Variants in FARSB observed in about 807,000 individuals in gnomAD.
FARSB encodes the protein phenylalanyl-tRNA synthetase subunit beta.
In FARSB, 40 loss-of-function variants were observed where a neutral mutation model predicts 69.6. The ratio of observed to expected loss-of-function variants is 0.57; its 90% CI spans 0.45 to 0.75. The LOEUF (loss-of-function observed/expected upper bound fraction) is 0.75, where lower values mean the gene tolerates loss of function less well. Ranked by LOEUF, FARSB falls within the 30% of genes least tolerant of loss-of-function variation. The probability of loss-of-function intolerance (pLI) is 0.00; values close to 1 mark genes in which losing one functional copy is unlikely to be tolerated. For synonymous variants in FARSB, 235 were observed against 247.2 expected (o/e 0.95, Z 0.46); for missense variants, 632 against 722.9 (o/e 0.87, Z 1.44).
chr2:222,581,559 T>C (rs1030241528), intron 16 of FARSB, among the ~76,000 whole-genome samples: 2 of 152,158 alleles, frequency 1.3e-5, no homozygotes, highest in Admixed American at 6.5e-5. Flanking sequence ...TTGTTAGAAA[T>C]AAATACAGGA....
intron 16 of FARSB, among the ~76,000 whole-genome samples, chr2:222,595,169 T>C (rs946192305): frequency 2.6e-5 from 4 of 152,232 alleles, no homozygotes; most frequent in African/African-American, 9.6e-5. Context: ...TATTTGTTGA[T>C]GGTAACTAAA....
In FARSB at chr2:222,567,742, A is replaced by C. The variant is rs1317065135; in HGVS notation, c.*4129T>G. 6.6e-6 allele frequency: 1 copy of C among 152,208 alleles called. No homozygotes were observed. Among genetic ancestry groups the C allele is most frequent in the African/African-American group, 2.4e-5 (1 of 41,456 alleles). 9.4% of individuals were successfully genotyped at this position (152,208 alleles called of 1,614,324 possible). A position where few individuals can be genotyped will look rare whatever the true frequency, so the allele number is the denominator to read the frequency against. On this transcript the variant is annotated 3_prime_UTR_variant, in exon 17 of 17. Transcript: ENST00000281828. The stretch of plus-strand genomic sequence containing the variant: ...ATCTAATGAACTCTATGCATCTCTG[A>C]ATGTGTCTGTCAAATGTGGATATTT...
At position 222,572,026 on chromosome 2, in the gene FARSB, A is replaced by C. The variant is rs1360815534; in HGVS notation, c.1619-4T>G. 6.2e-7 allele frequency: 1 copy of C among 1,606,442 alleles called. No homozygotes were observed. The highest frequency in any genetic ancestry group is 1.3e-5 in the African/African-American group (1 of 74,394). ...CGCCCGGGGAAGAAAGCAGGCCCTG[A>C]AAAAGAGAAAGTAAGAGAAAAATCA... On this transcript the variant is annotated splice_region_variant and splice_polypyrimidine_tract_variant and intron_variant, in intron 16 of 16. Transcript: ENST00000281828.
chr2:222,618,292 C>T (rs1445316920), intron 14 of FARSB, among the ~76,000 whole-genome samples: 1 of 152,106 alleles, frequency 6.6e-6, no homozygotes, highest in Non-Finnish European at 1.5e-5. Flanking sequence ...GTTTTAAACA[C>T]TTTTAGAACT....
chr2:222,596,110 G>A (rs1690407443), intron 16 of FARSB, among the ~76,000 whole-genome samples: 2 of 152,024 alleles, frequency 1.3e-5, no homozygotes, highest in Admixed American at 1.3e-4. Context: ...TAACTGCAAG[G>A]ATGCTCAGCA....
chr2:222,584,443 G>A (rs572168008), intron 16 of FARSB, among the ~76,000 whole-genome samples: 2 of 152,290 alleles, frequency 1.3e-5, no homozygotes, highest in South Asian at 4.1e-4. Context: ...CAGAAGACAG[G>A]TGATTTCTGC....
chr2:222,624,264 A>G lies in FARSB; in HGVS notation c.1170+8T>C. 2 of 1,564,902 alleles carry G rather than the reference A, an allele frequency of 1.3e-6. No homozygotes were observed. The highest frequency in any genetic ancestry group is 1.8e-6 in the Non-Finnish European group (2 of 1,136,594). On this transcript the variant is annotated splice_region_variant and intron_variant, in intron 12 of 16. Coordinates refer to ENST00000281828, the MANE Select transcript of FARSB (RefSeq NM_005687.5). The stretch of plus-strand genomic sequence containing the variant: ...ATAAGGAGTGTTTATTTAAGGGTGC[A>G]ATCTTACTTGATTAGCTATGGTGTA...
chr2:222,635,881 A>G (rs1039485298), intron 5 of FARSB, among the ~76,000 whole-genome samples: 8 of 152,034 alleles, frequency 5.3e-5, no homozygotes, highest in Non-Finnish European at 8.8e-5. Flanking sequence ...AGAGTTCAAG[A>G]CCAGCCTGGG....
At chr2:222,613,626 T>A (rs1456686417) in intron 15 of FARSB, among the ~76,000 whole-genome samples, 185 bp downstream of exon 15, 1 of 152,182 alleles carries the variant, frequency 6.6e-6, no homozygotes, top group Non-Finnish European at 1.5e-5. Flanking sequence ...ATTAAAATAA[T>A]ATGGGAAGTT....
At chr2:222,641,076 AAAAAAAAAAAAC>A (rs1691708233) in intron 3 of FARSB, 145 bp from the exon 4 acceptor site, 3 of 246,394 alleles carry the variant, frequency 1.2e-5, no homozygotes, top group South Asian at 1.2e-4. Context: ...GCTGAACACT[AAAAAAAAAAAAC>A]AAAAAAAAAA....
At position 222,624,260 on chromosome 2, in the gene FARSB, G is replaced by A. The variant is rs16863940; in HGVS notation, c.1170+12C>T. 88,069 of 1,539,674 alleles carry A rather than the reference G, an allele frequency of 0.057. 2,964 individuals carry two copies. Among genetic ancestry groups the A allele is most frequent in the Non-Finnish European group, 0.068 (75,773 of 1,113,520 alleles). On this transcript the variant is annotated intron_variant, in intron 12 of 16. Transcript: ENST00000281828. ...AACAATAAGGAGTGTTTATTTAAGG[G>A]TGCAATCTTACTTGATTAGCTATGG...
At chr2:222,624,554 C>T (rs1420606408) in intron 11 of FARSB, 75 bp from the exon 12 acceptor site, 3 of 1,063,874 alleles carry the variant, frequency 2.8e-6, no homozygotes, top group Non-Finnish European at 4.3e-6. Flanking sequence ...TCAACATATG[C>T]TACTAGCTGA....
chr2:222,651,997 C>T (rs1020093610), intron 1 of FARSB, among the ~76,000 whole-genome samples: 4 of 152,096 alleles, frequency 2.6e-5, no homozygotes, highest in African/African-American at 9.7e-5. Flanking sequence ...TCCAGAATTG[C>T]CATGGACCAA....
chr2:222,606,749 C>A (rs992018835), intron 15 of FARSB, among the ~76,000 whole-genome samples: 1 of 152,104 alleles, frequency 6.6e-6, no homozygotes, highest in African/African-American at 2.4e-5. Flanking sequence ...GGTATAGATC[C>A]TCTTCCACCA....
intron 14 of FARSB, among the ~76,000 whole-genome samples, chr2:222,617,475 T>C (rs930890497): frequency 6.6e-6 from 1 of 152,184 alleles, no homozygotes; most frequent in African/African-American, 2.4e-5. Context: ...AAAAACTACC[T>C]ATTGGGTACT....
At chr2:222,650,147 G>C (rs1044976332) in intron 1 of FARSB, among the ~76,000 whole-genome samples, 1 of 152,218 alleles carries the variant, frequency 6.6e-6, no homozygotes, top group Non-Finnish European at 1.5e-5. Flanking sequence ...GTTAGGCAGA[G>C]ATTGTGGGGC....
intron 15 of FARSB, among the ~76,000 whole-genome samples, chr2:222,609,747 G>A (rs1278060219): frequency 1.3e-5 from 2 of 152,150 alleles, no homozygotes; most frequent in African/African-American, 4.8e-5. Flanking sequence ...AACACGGATG[G>A]TCAGTCAAAA....
chr2:222,617,895 A>G (rs1033448350), intron 14 of FARSB, among the ~76,000 whole-genome samples: 18 of 152,216 alleles, frequency 1.2e-4, no homozygotes, highest in African/African-American at 4.1e-4. Context: ...AAAATAAATA[A>G]AAATAAAATA....
Position 222,613,832 on chromosome 2 carries a change from C to G in FARSB, c.1441G>C (p.Val481Leu). 1 of 1,593,432 alleles carries G rather than the reference C, an allele frequency of 6.3e-7. No homozygotes were observed. The highest frequency in any genetic ancestry group is 8.6e-7 in the Non-Finnish European group (1 of 1,161,128). The change falls in exon 15 of 17, where the codon GTA becomes CTA. Residue 481 changes from valine to leucine, a missense_variant. Physicochemically the swap from Val to Leu is conservative, Grantham distance 32. Coordinates refer to ENST00000281828, the MANE Select transcript of FARSB (RefSeq NM_005687.5). ...TTACCTGTATTAGAATCTTTTATTA[C>G]AATGTCAGAGATTTCAAACAGTTTC... ...PLKLFEISDIVIKDSNTDVGA... is the reference protein window; with the variant it reads ...PLKLFEISDILIKDSNTDVGA...
Sources: gnomAD v4.1 joint callset for allele counts (sites outside exome capture counted in the v4.1 genomes callset) on GRCh38, gnomAD v4.1.1 for gene constraint, MANE v1.5 for transcripts, NCBI Gene and HGNC (gene_info 2026-07-23, HGNC 2026-07-21) for gene names.